TTC19: variants seen among roughly 807,000 people sequenced by gnomAD.
TTC19 encodes tetratricopeptide repeat protein 19, mitochondrial.
Under a neutral mutation model 49.5 loss-of-function variants are expected in TTC19, and 38 were observed. The ratio of observed to expected loss-of-function variants is 0.77; its 90% CI spans 0.59 to 1.01. The LOEUF is 1.01. TTC19 is among the 50% of genes least tolerant of loss of function. The probability of loss-of-function intolerance (pLI) is 0.00; values close to 1 mark genes in which losing one functional copy is unlikely to be tolerated. For missense variants in TTC19, 475 were observed against 477.7 expected, an observed-to-expected ratio of 0.99 and a Z score of 0.05; for synonymous variants, 204 against 185.2, an observed-to-expected ratio of 1.10 and a Z score of -0.83.
Position 16,002,764 on chromosome 17 carries a change from C to T in TTC19, c.424-29C>T, listed in dbSNP as rs532992559. On this transcript the variant is annotated intron_variant, in intron 3 of 9. Coordinates refer to ENST00000261647, the MANE Select transcript of TTC19 (RefSeq NM_017775.4). ...ATAAGTAGGAACACAGTATTCTAAA[C>T]TGAAAAACAATTTGTAATTTGCTTT... 47 of 1,611,918 alleles carry T rather than the reference C, an allele frequency of 2.9e-5. 1 individual carries two copies. The South Asian group carries it at 5.1e-4, about 17-fold the overall frequency.
At chr17:16,036,650 C>A (rs994301291) in intron 2 of TTC19, among the ~76,000 whole-genome samples, 1 of 152,228 alleles carries the variant, frequency 6.6e-6, no homozygotes. Flanking sequence ...ACAGAGACGG[C>A]TTCTTCAACC....
Position 16,000,900 on chromosome 17 carries a change from G to A in TTC19, c.312+655G>A, listed in dbSNP as rs181063241. 3.3e-5 allele frequency among the ~76,000 whole-genome samples: 5 copies of A among 152,178 alleles called. No homozygotes were observed. In the East Asian group the frequency reaches 9.6e-4, roughly 29 times the overall value. ...TCTCTTTACTACCATCAGTTTTTCA[G>A]CCTAAAAACCTCATAGTCATTCTTA... On this transcript the variant is annotated intron_variant, in intron 2 of 9. Transcript: ENST00000261647.
chr17:16,004,286 G>A, intron 6 of TTC19, 24 bp downstream of exon 6: 2 of 1,609,668 alleles, frequency 1.2e-6, no homozygotes, highest in Non-Finnish European at 1.7e-6. Flanking sequence ...CCAGGGAGTA[G>A]GACTGTGGGC....
chr17:16,025,280 T>A, intron 8 of TTC19, 109 bp downstream of exon 8: 3 of 1,153,000 alleles, frequency 2.6e-6, no homozygotes, highest in Non-Finnish European at 3.8e-6. Context: ...TCCTAGATCC[T>A]CCTTGGTCCC....
At position 16,039,004 on chromosome 17, in the gene TTC19, T is replaced by C. The variant is rs370457849; in HGVS notation, c.248-5499T>C. 9.9e-5 allele frequency among the ~76,000 whole-genome samples: 15 copies of C among 152,222 alleles called. No individual in the cohort carries two copies. The East Asian group carries it at 2.5e-3, about 25-fold the overall frequency. ...CAGGATGGTCTCGATCTCTTGACCT[T>C]GTGATCCGCCCGCCTCCGCCCCCCA... On this transcript the variant is annotated intron_variant, in intron 2 of 2. Coordinates refer to the TTC19 transcript ENST00000470649.
downstream of TTC19, chr17:16,032,263 C>G (rs1040887420): frequency 1.3e-6 from 2 of 1,560,960 alleles, no homozygotes; most frequent in East Asian, 2.4e-5. Flanking sequence ...AGAGATCCCT[C>G]TCCTGCACCC....
At chr17:16,040,311 ATTAT>A (rs996604604) in intron 2 of TTC19, 34 of 799,622 alleles carry the variant, frequency 4.3e-5, no homozygotes, top group African/African-American at 1.5e-4. Flanking sequence ...CCTTCACTAA[ATTAT>A]TTATTTATTT....
In TTC19 at chr17:16,027,769, G is replaced by A. The variant is rs1031793575; in HGVS notation, c.*247G>A. The A allele has an allele frequency of 1.8e-5, 10 of 567,622 alleles. No homozygotes were observed. The highest frequency in any genetic ancestry group is 3.0e-5 in the Non-Finnish European group (9 of 299,640). The allele number at this position is 567,622 out of a possible 1,614,324, so 35.2% of individuals were successfully genotyped here. ...CAAGTGATGCTTTCAGTTGTAACAC[G>A]TGACTTGGTGCTGTCCCTGCTGGTC... is the stretch of plus-strand genomic sequence containing the variant. On this transcript the variant is annotated 3_prime_UTR_variant, in exon 10 of 10. Transcript: ENST00000261647.
At chr17:16,042,371 A>G (rs897620398) in intron 2 of TTC19, among the ~76,000 whole-genome samples, 4 of 152,226 alleles carry the variant, frequency 2.6e-5, no homozygotes, top group African/African-American at 9.6e-5. Context: ...TTGATCAAAA[A>G]TGGTCAGATG....
At chr17:16,042,373 G>C (rs2057886345) in intron 2 of TTC19, among the ~76,000 whole-genome samples, 1 of 152,288 alleles carries the variant, frequency 6.6e-6, no homozygotes, top group Non-Finnish European at 1.5e-5. Flanking sequence ...GATCAAAAAT[G>C]GTCAGATGAA....
At chr17:16,038,301 A>C (rs1221137874) in intron 2 of TTC19, among the ~76,000 whole-genome samples, 1 of 152,258 alleles carries the variant, frequency 6.6e-6, no homozygotes, top group Non-Finnish European at 1.5e-5. Context: ...AACAGAATGT[A>C]TAAAATCTCA....
intron 5 of TTC19, 39 bp downstream of exon 5, chr17:16,003,926 G>C: frequency 6.2e-7 from 1 of 1,605,836 alleles, no homozygotes; most frequent in Non-Finnish European, 8.5e-7. Flanking sequence ...CACTGAAGCA[G>C]TTTTCAAAAC....
rs144998451 is a variant in TTC19, at chr17:16,007,945, A to G, written c.676+1377A>G. Among the ~76,000 whole-genome samples, 437 of 152,316 alleles carry G rather than the reference A, an allele frequency of 2.9e-3. 3 individuals are homozygous for G. Among genetic ancestry groups the G allele is most frequent in the African/African-American group, 9.6e-3 (398 of 41,578 alleles). The stretch of plus-strand genomic sequence containing the variant: ...ACCTTTATCAAAGTCACCAAATCCA[A>G]TGGTTACTTCTCAATCCTTAACTTA... On this transcript the variant is annotated intron_variant, in intron 7 of 9. Transcript: ENST00000261647.
chr17:16,015,130 G>T (rs1214702531), intron 7 of TTC19, among the ~76,000 whole-genome samples: 1 of 152,148 alleles, frequency 6.6e-6, no homozygotes, highest in African/African-American at 2.4e-5. Flanking sequence ...AATGAATTGG[G>T]ATGCTTTCTG....
intron 2 of TTC19, among the ~76,000 whole-genome samples, chr17:16,041,499 T>C (rs956106284): frequency 4.1e-5 from 6 of 145,172 alleles, no homozygotes; most frequent in Non-Finnish European, 9.0e-5. Context: ...CTGCAACCTC[T>C]GCCTCCTGGG....
downstream of TTC19, chr17:16,032,461 GT>G: frequency 6.3e-7 from 1 of 1,596,054 alleles, no homozygotes; most frequent in Non-Finnish European, 8.5e-7. Context: ...TAGTCAGAGG[GT>G]TATAAGGAAA....
At chr17:16,027,236 GA>G in intron 9 of TTC19, 137 bp from the exon 10 acceptor site, 1 of 984,416 alleles carries the variant, frequency 1.0e-6, no homozygotes, top group Non-Finnish European at 1.6e-6. Flanking sequence ...AGATGGGGAT[GA>G]AATGAGGCAG....
At chr17:16,042,130 A>C (rs913369187) in intron 2 of TTC19, among the ~76,000 whole-genome samples, 1 of 143,980 alleles carries the variant, frequency 6.9e-6, no homozygotes, top group African/African-American at 2.7e-5. Context: ...CTAGAAACAA[A>C]CTTGGTTGAT....
chr17:16,040,516 A>G (rs1408000636), intron 2 of TTC19: 5 of 1,607,836 alleles, frequency 3.1e-6, no homozygotes, highest in Non-Finnish European at 4.3e-6. Context: ...CAAACATTCA[A>G]GTTAATTAAG....
Sources: allele counts gnomAD v4.1 joint callset (sites outside exome capture counted in the v4.1 genomes callset), GRCh38; gene constraint gnomAD v4.1.1; transcripts MANE v1.5; gene names NCBI Gene and HGNC (gene_info 2026-07-23, HGNC 2026-07-21).